Variants in RARS2 observed in about 807,000 individuals in gnomAD.
The protein encoded by RARS2 is arginyl-tRNA synthetase 2, mitochondrial.
RARS2 carries 67 observed loss-of-function variants against 88.5 expected under a neutral mutation model. The ratio of observed to expected loss-of-function variants is 0.76; its 90% confidence interval spans 0.62 to 0.93. The LOEUF is 0.93. RARS2 is among the 40% of genes least tolerant of loss of function. The pLI, the probability that RARS2 is intolerant of heterozygous loss-of-function variation, is 0.00. For missense variants in RARS2, 664 were observed against 684.2 expected (o/e 0.97, Z 0.33); for synonymous variants, 239 against 230.3 (o/e 1.04, Z -0.34).
rs938688628 is a variant in RARS2, at chr6:87,548,629, T to C, written c.413A>G (p.Lys138Arg). 3 of 1,613,046 alleles carry C rather than the reference T, an allele frequency of 1.9e-6. No homozygotes were observed. Among genetic ancestry groups the C allele is most frequent in the African/African-American group, 2.7e-5 (2 of 74,908 alleles). ...ACGCAAATGTCCAACATGAAATTTTTTGGCAACATTAGGTGAACTGCAAAA... is the reference window on the plus strand; with the variant it reads ...ACGCAAATGTCCAACATGAAATTTTCTGGCAACATTAGGTGAACTGCAAAA... ...VVEFSSPNVA[K>R]KFHVGHLRST... Residue 138 changes from lysine to arginine, a missense_variant, in exon 6 of 20, where the codon AAA becomes AGA. Transcript: ENST00000369536.
rs192001560 is a variant in RARS2, at chr6:87,550,546, T to C, written c.396-1900A>G. 5.3e-5 allele frequency among the ~76,000 whole-genome samples: 8 copies of C among 150,738 alleles called. No individual in the cohort carries two copies. The East Asian group carries it at 5.9e-4, about 11-fold the overall frequency. The stretch of plus-strand genomic sequence containing the variant: ...ATAAAAGTAAAGCAAAAAAAATCAA[T>C]AGAAATAAAAAACCCCAGAAAAACA... On this transcript the variant is annotated intron_variant, in intron 5 of 19. Transcript: ENST00000369536.
At chr6:87,579,672 G>C (rs1473843472) in intron 1 of RARS2, among the ~76,000 whole-genome samples, 1 of 140,452 alleles carries the variant, frequency 7.1e-6, no homozygotes, top group East Asian at 2.3e-4. Flanking sequence ...AAGAGAGAGA[G>C]AGAGAAAATA....
chr6:87,548,575 GAAAC>G lies in RARS2; in HGVS notation c.451+12_451+15del. On this transcript the variant is annotated intron_variant, in intron 6 of 19. Coordinates refer to ENST00000369536, the MANE Select transcript of RARS2 (RefSeq NM_020320.5). ...CAAAGGAACGTTTAGCATTTTATGT[GAAAC>G]TAAACACTTACCTATGATGGTAGAA... is the stretch of plus-strand genomic sequence containing the variant. The G allele has an allele frequency of 6.2e-7, 1 of 1,609,554 alleles. No individual in the cohort carries two copies. The highest frequency in any genetic ancestry group is 8.5e-7 in the Non-Finnish European group (1 of 1,176,952).
intron 18 of RARS2, 24 bp downstream of exon 18, chr6:87,516,782 G>C: frequency 6.2e-7 from 1 of 1,611,878 alleles, no homozygotes; most frequent in African/African-American, 1.3e-5. Flanking sequence ...ATTAACACCT[G>C]AAAACAGGAA....
intron 14 of RARS2, chr6:87,519,320 A>C (rs1773038631): frequency 4.8e-6 from 2 of 414,152 alleles, no homozygotes; most frequent in Non-Finnish European, 9.0e-6. Context: ...AACTTCACGT[A>C]ATCACCTAGA....
Position 87,579,662 on chromosome 6 carries a change from A to G in RARS2, c.37-10072T>C, listed in dbSNP as rs79981514. Among the ~76,000 whole-genome samples, 390 of 150,920 alleles carry G rather than the reference A, an allele frequency of 2.6e-3. 2 individuals are homozygous for G. Among genetic ancestry groups the G allele is most frequent in the African/African-American group, 8.5e-3 (351 of 41,064 alleles). On this transcript the variant is annotated intron_variant, in intron 1 of 19. Coordinates refer to ENST00000369536, the MANE Select transcript of RARS2 (RefSeq NM_020320.5). ...TCAAATGGGTGCAGCATAAAAAAAA[A>G]AGAGAGAGAGAGAGAAAATAAAACA...
chr6:87,518,079 C>G, intron 17 of RARS2, 90 bp downstream of exon 17: 3 of 1,611,292 alleles, frequency 1.9e-6, no homozygotes, highest in Non-Finnish European at 2.5e-6. Context: ...AAGGCAGCTA[C>G]TGGACTGTTG....
chr6:87,563,843 A>G (rs1490702662), intron 3 of RARS2, among the ~76,000 whole-genome samples: 1 of 152,246 alleles, frequency 6.6e-6, no homozygotes, highest in African/African-American at 2.4e-5. Flanking sequence ...CCTAAATTCA[A>G]AAGTCCATCC....
chr6:87,546,064 G>T (rs1582552664), intron 6 of RARS2, among the ~76,000 whole-genome samples: 1 of 150,912 alleles, frequency 6.6e-6, no homozygotes. Flanking sequence ...CCTAAGAACC[G>T]AAGCCTCACT....
intron 3 of RARS2, 81 bp downstream of exon 3, chr6:87,564,049 A>G (rs2128173228): frequency 9.8e-7 from 1 of 1,023,338 alleles, no homozygotes; most frequent in Non-Finnish European, 1.5e-6. Flanking sequence ...ATTCACTATT[A>G]TGGCTGAGAT....
At position 87,521,540 on chromosome 6, in the gene RARS2, C is replaced by T. The variant is rs1773848175; in HGVS notation, c.975-16G>A. 2 of 1,607,738 alleles carry T rather than the reference C, an allele frequency of 1.2e-6. No individual in the cohort carries two copies. The highest frequency in any genetic ancestry group is 2.7e-5 in the African/African-American group (2 of 74,760). On this transcript the variant is annotated splice_polypyrimidine_tract_variant and intron_variant, in intron 11 of 19. Transcript: ENST00000369536. Reference sequence around the variant, plus strand: ...TGCAAGATCTCTGAAACAAAGTGGCCATAAACCAAGAGTTACTAAGCAGAT... The same window carrying T: ...TGCAAGATCTCTGAAACAAAGTGGCTATAAACCAAGAGTTACTAAGCAGAT...
chr6:87,584,919 A>G (rs764688622), intron 1 of RARS2, among the ~76,000 whole-genome samples: 3 of 152,196 alleles, frequency 2.0e-5, no homozygotes, highest in Non-Finnish European at 4.4e-5. Context: ...CAAGAATGCT[A>G]TGTCATAGCC....
At chr6:87,546,845 T>C (rs895357106) in intron 6 of RARS2, among the ~76,000 whole-genome samples, 3 of 152,242 alleles carry the variant, frequency 2.0e-5, no homozygotes, top group African/African-American at 4.8e-5. Flanking sequence ...AGTTGTAGAC[T>C]TTCCCAATCT....
rs1169996338 is a variant in RARS2, at chr6:87,520,241, T to C, written c.1051A>G (p.Lys351Glu). The C allele has an allele frequency of 3.1e-6, 5 of 1,611,218 alleles. No homozygotes were observed. The Admixed American group carries it at 5.0e-5, about 16-fold the overall frequency. Residue 351 changes from lysine to glutamate, a missense_variant, in exon 13 of 20, where the codon AAA becomes GAA. Physicochemically the swap from Lys to Glu is moderately conservative, Grantham distance 56. Coordinates refer to ENST00000369536, the MANE Select transcript of RARS2 (RefSeq NM_020320.5). ...TGGAATACTTGCTGAAAATGCTTTTTTTGTCCTTTATCTGTCTTGGGAAGA... is the reference window on the plus strand; with the variant it reads ...TGGAATACTTGCTGAAAATGCTTTTCTTGTCCTTTATCTGTCTTGGGAAGA... ...TMIYVTDKGQ[K>E]KHFQQVFQML...
At chr6:87,514,842 G>A in intron 19 of RARS2, 115 bp downstream of exon 19, 1 of 850,440 alleles carries the variant, frequency 1.2e-6, no homozygotes, top group Non-Finnish European at 2.0e-6. Flanking sequence ...AGCTAAGGAA[G>A]TATACTGCTA....
intron 4 of RARS2, among the ~76,000 whole-genome samples, chr6:87,556,752 A>T (rs917442513): frequency 7.1e-6 from 1 of 140,138 alleles, no homozygotes; most frequent in East Asian, 2.2e-4. Context: ...AGATCGCGCC[A>T]CTGCACTCCA....
At chr6:87,518,559 G>A (rs1772586681) in intron 16 of RARS2, 71 bp downstream of exon 16, 2 of 1,466,602 alleles carry the variant, frequency 1.4e-6, no homozygotes, top group Admixed American at 1.7e-5. Context: ...AGGGCCTCTG[G>A]TCTTAGAATC....
chr6:87,566,805 C>T (rs1353668497), intron 2 of RARS2, among the ~76,000 whole-genome samples: 1 of 145,946 alleles, frequency 6.9e-6, no homozygotes, highest in Non-Finnish European at 1.5e-5. Context: ...GTGATTCTGC[C>T]ACTGCACTCC....
chr6:87,549,056 A>AT (rs1222465283), intron 5 of RARS2, among the ~76,000 whole-genome samples: 1 of 151,884 alleles, frequency 6.6e-6, no homozygotes, highest in African/African-American at 2.4e-5. Context: ...TACAAAAAAA[A>AT]TTTTTTTTAG....
Sources: gnomAD v4.1 joint callset for allele counts (sites outside exome capture counted in the v4.1 genomes callset) on GRCh38, gnomAD v4.1.1 for gene constraint, MANE v1.5 for transcripts, NCBI Gene and HGNC (gene_info 2026-07-23, HGNC 2026-07-21) for gene names.